The following SAMTOR variants were observed in gnomAD, a reference collection of about 807,000 sequenced individuals.
The protein encoded by SAMTOR is S-adenosylmethionine sensor upstream of mTORC1.
the SAMTOR span, among the ~76,000 whole-genome samples, chr7:112,872,375 A>C: frequency 6.6e-6 from 1 of 152,176 alleles, no homozygotes; most frequent in Non-Finnish European, 1.5e-5. Context: ...AAACCATATG[A>C]TCATCTCACT....
the SAMTOR span, among the ~76,000 whole-genome samples, chr7:112,856,406 C>A: frequency 6.6e-6 from 1 of 151,980 alleles, no homozygotes; most frequent in African/African-American, 2.4e-5. Flanking sequence ...TGAGCCACCA[C>A]GCCCAGCTAA....
the SAMTOR span, among the ~76,000 whole-genome samples, chr7:112,861,354 TTA>T: frequency 2.6e-5 from 4 of 152,282 alleles, no homozygotes; most frequent in South Asian, 8.3e-4. Context: ...TAAAAATGAC[TTA>T]GTGAGCTGAG....
chr7:112,920,562 C>T, the SAMTOR span, among the ~76,000 whole-genome samples: 5 of 150,020 alleles, frequency 3.3e-5, no homozygotes, highest in Admixed American at 6.7e-5. Flanking sequence ...CCCTCTCTCA[C>T]CACTCTTATT....
chr7:112,917,792 G>T, the SAMTOR span, among the ~76,000 whole-genome samples: 1 of 152,146 alleles, frequency 6.6e-6, no homozygotes, highest in Non-Finnish European at 1.5e-5. Context: ...CGAGAACTAC[G>T]TGAAGAATGC....
At chr7:112,882,766 T>TTAAAAAA in the SAMTOR span, among the ~76,000 whole-genome samples, 1 of 120,664 alleles carries the variant, frequency 8.3e-6, no homozygotes, top group African/African-American at 3.0e-5. Flanking sequence ...CATCTTTTTT[T>TTAAAAAA]AAAAAAAAAA....
At chr7:112,909,373 T>A in the SAMTOR span, among the ~76,000 whole-genome samples, 1 of 152,098 alleles carries the variant, frequency 6.6e-6, no homozygotes, top group Non-Finnish European at 1.5e-5. Context: ...TAAAAGGGAG[T>A]CTTTTTTGAG....
the SAMTOR span, among the ~76,000 whole-genome samples, chr7:112,918,279 T>TG: frequency 6.6e-6 from 1 of 152,050 alleles, no homozygotes; most frequent in South Asian, 2.1e-4. Flanking sequence ...CAGAAGAGAG[T>TG]GGGGGCCTAT....
At chr7:112,929,369 C>T in the SAMTOR span, among the ~76,000 whole-genome samples, 1 of 151,930 alleles carries the variant, frequency 6.6e-6, no homozygotes, top group South Asian at 2.1e-4. Context: ...CAGGAAAATG[C>T]AAATTAAAAC....
At chr7:112,833,876 C>G in the SAMTOR span, among the ~76,000 whole-genome samples, 1 of 152,160 alleles carries the variant, frequency 6.6e-6, no homozygotes, top group Non-Finnish European at 1.5e-5. Context: ...AATTACCACT[C>G]AGGTCAAGAC....
the SAMTOR span, among the ~76,000 whole-genome samples, chr7:112,931,318 A>C: frequency 6.6e-6 from 1 of 151,748 alleles, no homozygotes; most frequent in African/African-American, 2.4e-5. Flanking sequence ...AAAAAAAAAC[A>C]CAACAAAACA....
chr7:112,917,719 A>G, the SAMTOR span, among the ~76,000 whole-genome samples: 1 of 152,174 alleles, frequency 6.6e-6, no homozygotes, highest in Non-Finnish European at 1.5e-5. Flanking sequence ...AGACAAATGT[A>G]TAACTAGAAT....
At chr7:112,914,365 A>T in the SAMTOR span, among the ~76,000 whole-genome samples, 1 of 143,408 alleles carries the variant, frequency 7.0e-6, no homozygotes, top group Non-Finnish European at 1.5e-5. Flanking sequence ...TATATAGATT[A>T]TTTCACCACC....
At chr7:112,846,710 C>A in the SAMTOR span, among the ~76,000 whole-genome samples, 3 of 152,124 alleles carry the variant, frequency 2.0e-5, no homozygotes, top group South Asian at 2.1e-4. Context: ...ACGAGTACAC[C>A]AGCATTTTCA....
At chr7:112,899,721 C>G in the SAMTOR span, among the ~76,000 whole-genome samples, 1 of 145,074 alleles carries the variant, frequency 6.9e-6, no homozygotes, top group Admixed American at 7.0e-5. Flanking sequence ...ATACATCTGG[C>G]AGCACACTTC....
At chr7:112,845,822 T>G in the SAMTOR span, among the ~76,000 whole-genome samples, 1 of 152,092 alleles carries the variant, frequency 6.6e-6, no homozygotes, top group Non-Finnish European at 1.5e-5. Flanking sequence ...AGCAAAGACG[T>G]GGAATCAACC....
the SAMTOR span, among the ~76,000 whole-genome samples, chr7:112,888,690 G>A: frequency 0.011 from 1,622 of 152,192 alleles, 29 homozygotes; most frequent in African/African-American, 0.037. Flanking sequence ...ATATCAAATG[G>A]CTTGAAAGAT....
chr7:112,860,912 C>CAAAAAAAA, the SAMTOR span, among the ~76,000 whole-genome samples: 3 of 45,910 alleles, frequency 6.5e-5, no homozygotes, highest in Non-Finnish European at 8.9e-5. Flanking sequence ...GACTCTGTCT[C>CAAAAAAAA]AAAAAAAAAA....
chr7:112,915,461 GATAA>G, the SAMTOR span: 1 of 1,566,174 alleles, frequency 6.4e-7, no homozygotes, highest in South Asian at 1.2e-5. Context: ...AAAACAAAGT[GATAA>G]ATGAATTAAG....
chr7:112,850,016 G>A, the SAMTOR span, among the ~76,000 whole-genome samples: 10 of 152,104 alleles, frequency 6.6e-5, no homozygotes, highest in Non-Finnish European at 1.0e-4. Context: ...AGACCAGCCT[G>A]ACCAATGTGG....
Sources: allele counts gnomAD v4.1 joint callset (sites outside exome capture counted in the v4.1 genomes callset), GRCh38; gene constraint gnomAD v4.1.1; transcripts MANE v1.5; gene names NCBI Gene and HGNC (gene_info 2026-07-23, HGNC 2026-07-21).